Variants in CARD14 observed in about 807,000 individuals in gnomAD.
The protein encoded by CARD14 is caspase recruitment domain family member 14, also known as caspase recruitment domain-containing protein 14.
A neutral mutation model predicts 111.5 loss-of-function variants in CARD14; 107 were observed. The observed-to-expected ratio is 0.96, with a 90% CI of 0.82 to 1.13. The LOEUF is 1.13. Among genes scored for constraint, CARD14 ranks in the 50% most tolerant of loss-of-function variants. The pLI is 0.00. For missense variants in CARD14, 1,322 were observed against 1,362.3 expected (o/e 0.97, Z 0.47); for synonymous variants, 617 against 579.6 (o/e 1.06, Z -0.93).
intron 12 of CARD14, among the ~76,000 whole-genome samples, chr17:80,194,435 G>A (rs2040637818): frequency 6.6e-6 from 1 of 152,202 alleles, no homozygotes; most frequent in Admixed American, 6.5e-5. Flanking sequence ...TGGCCTCAGC[G>A]CCTCGCACGT....
chr17:80,193,308 G>A lies in CARD14; in HGVS notation c.1356+689G>A, dbSNP rs8078473. On this transcript the variant is annotated intron_variant, in intron 12 of 23. Transcript: ENST00000648509. ...CATGAGTTTCCAGGGGACCCAATTC[G>A]ACCTGGCACAGACAGTCCCCAGACA... Among the ~76,000 whole-genome samples the A allele has an allele frequency of 7.4e-3, 495 of 66,488 alleles. 10 individuals are homozygous for A. The highest frequency in any genetic ancestry group is 0.021 in the African/African-American group (401 of 19,164). 43.6% of individuals were successfully genotyped at this position (66,488 alleles called of 152,430 possible). A position where few individuals can be genotyped will look rare whatever the true frequency, so the allele number is the denominator to read the frequency against.
At chr17:80,193,308 GA>G (rs1567884401) in intron 12 of CARD14, among the ~76,000 whole-genome samples, 250 of 66,524 alleles carry the variant, frequency 3.8e-3, no homozygotes, top group South Asian at 6.4e-3. Context: ...GACCCAATTC[GA>G]CCTGGCACAG....
Position 80,184,162 on chromosome 17 carries a change from G to T in CARD14, c.599G>T (p.Ser200Ile), listed in dbSNP as rs114688446. The T allele has an allele frequency of 1.0e-3, 1,614 of 1,563,976 alleles. 19 individuals are homozygous for T. The African/African-American group carries it at 0.019, about 19-fold the overall frequency. ...EVLRLKDEML[S>I]LSLHYSNALQ... is the part of the protein sequence containing the mutation. ...CTGAGGCTGAAGGACGAGATGCTCA[G>T]CCTCTCGCTGCACTATAGCAATGCG... is the stretch of plus-strand genomic sequence containing the variant. The change falls in exon 7 of 24, where the codon AGC becomes ATC. Residue 200 changes from serine (S) to isoleucine (I), a missense_variant. Ser to Ile is a moderately radical substitution (Grantham distance 142). Transcript: ENST00000648509.
At chr17:80,207,280 G>T (rs1349476243) in intron 23 of CARD14, among the ~76,000 whole-genome samples, 195 bp downstream of exon 23, 2 of 152,240 alleles carry the variant, frequency 1.3e-5, no homozygotes, top group African/African-American at 4.8e-5. Flanking sequence ...GCCGGGCGTG[G>T]TGGCTCACGC....
chr17:80,206,195 G>T (rs919834020), intron 22 of CARD14, among the ~76,000 whole-genome samples: 49 of 152,206 alleles, frequency 3.2e-4, no homozygotes, highest in Non-Finnish European at 5.9e-4. Context: ...GCTGGGCCTG[G>T]GGCTCACGCC....
At chr17:80,185,331 G>A (rs191957929) in intron 7 of CARD14, among the ~76,000 whole-genome samples, 121 of 152,276 alleles carry the variant, frequency 7.9e-4, no homozygotes, top group Non-Finnish European at 1.3e-3. Context: ...GATTACAGGT[G>A]TGAGCCCCTG....
rs373358452 is a variant in CARD14 at position 80,198,687 on chromosome 17, A to G, written c.1851+96A>G. The G allele has an allele frequency of 3.7e-6, 6 of 1,604,574 alleles. No individual in the cohort carries two copies. Among genetic ancestry groups the G allele is most frequent in the African/African-American group, 1.3e-5 (1 of 75,020 alleles). ...AGGCAGACTTCACCTCCCCCAGACG[A>G]TGCAGATCCACTCTGGGCTGGGCCT... is the stretch of plus-strand genomic sequence containing the variant. On this transcript the variant is annotated intron_variant, in intron 16 of 23. Coordinates refer to ENST00000648509, the MANE Select transcript of CARD14 (RefSeq NM_001366385.1). This position sits in a 1 kb window ranked among gnomAD's most constrained non-coding sequence, Gnocchi z 7.5.
intron 7 of CARD14, among the ~76,000 whole-genome samples, chr17:80,187,572 C>G (rs1325290408): frequency 6.6e-6 from 1 of 152,208 alleles, no homozygotes; most frequent in Non-Finnish European, 1.5e-5. Flanking sequence ...ATTGCAGGAG[C>G]TGGGAACTTG....
Position 80,208,956 on chromosome 17 carries a change from C to G in CARD14, c.*611C>G, listed in dbSNP as rs7208218. 0.48 allele frequency: 73,594 copies of G among 152,152 alleles called. 18,954 individuals are homozygous for G. Among genetic ancestry groups the G allele is most frequent in the Non-Finnish European group, 0.58 (39,669 of 67,994 alleles). 9.4% of individuals were successfully genotyped at this position (152,152 alleles called of 1,614,324 possible). On this transcript the variant is annotated 3_prime_UTR_variant, in exon 24 of 24. Coordinates refer to ENST00000648509, the MANE Select transcript of CARD14 (RefSeq NM_001366385.1). ...TGTTTACTTGTAAATAAAGCCTCTG[C>G]GTGGTGGAGACGGTACTTTCAGTGG...
At chr17:80,183,157 C>A (rs1424307363) in intron 6 of CARD14, among the ~76,000 whole-genome samples, 2 of 152,234 alleles carry the variant, frequency 1.3e-5, no homozygotes, top group Non-Finnish European at 2.9e-5. Flanking sequence ...AACGGCCCAG[C>A]CTCAGCTCTT....
chr17:80,188,325 T>A lies in CARD14; in HGVS notation c.676-52T>A. 6.4e-7 allele frequency: 1 copy of A among 1,554,898 alleles called. No homozygotes were observed. The highest frequency in any genetic ancestry group is 8.7e-7 in the Non-Finnish European group (1 of 1,146,140). The stretch of plus-strand genomic sequence containing the variant: ...GGTGAGAAATGCCCCCAGCTCCTGA[T>A]CAGGGGAGAAGCTGTTTCCATCGCC... On this transcript the variant is annotated intron_variant, in intron 7 of 23. Coordinates refer to ENST00000648509, the MANE Select transcript of CARD14 (RefSeq NM_001366385.1). The surrounding 1 kb of genome is among the most constrained non-coding windows in gnomAD (Gnocchi z 4.5).
chr17:80,200,229 AT>A (rs373332962), intron 16 of CARD14, among the ~76,000 whole-genome samples: 10,240 of 74,042 alleles, frequency 0.14, 236 homozygotes, highest in African/African-American at 0.2. Flanking sequence ...TTTACATGTC[AT>A]TTTTTTTTTT....
intron 2 of CARD14, among the ~76,000 whole-genome samples, chr17:80,177,952 G>A (rs920701320): frequency 6.6e-6 from 1 of 152,136 alleles, no homozygotes; most frequent in Non-Finnish European, 1.5e-5. Flanking sequence ...CCTACTTACA[G>A]GTACTGGGGG....
rs1360360481 is a variant in CARD14 at position 80,206,936 on chromosome 17, A to T, written c.2692-34A>T. Reference sequence around the variant, plus strand: ...CCCTTTGCTTCCTCTGAGGCCTGTGATCTTGACTCACTTCTTCTCTCCCTC... The same window carrying T: ...CCCTTTGCTTCCTCTGAGGCCTGTGTTCTTGACTCACTTCTTCTCTCCCTC... On this transcript the variant is annotated intron_variant, in intron 22 of 23. Coordinates refer to ENST00000648509, the MANE Select transcript of CARD14 (RefSeq NM_001366385.1). 3 of 1,532,032 alleles carry T rather than the reference A, an allele frequency of 2.0e-6. No homozygotes were observed. The Admixed American group carries it at 5.1e-5, about 26-fold the overall frequency. The allele number at this position is 1,532,032 out of a possible 1,614,324, so 94.9% of individuals were successfully genotyped here.
In CARD14 at chr17:80,183,931, A is replaced by C. The variant is rs1467026410; in HGVS notation, c.368A>C (p.Lys123Thr). 1.3e-6 allele frequency: 2 copies of C among 1,521,166 alleles called. No homozygotes were observed. Among genetic ancestry groups the C allele is most frequent in the East Asian group, 4.6e-5 (2 of 43,330 alleles). The allele number at this position is 1,521,166 out of a possible 1,614,324, so 94.2% of individuals were successfully genotyped here. A position where few individuals can be genotyped will look rare whatever the true frequency, so the allele number is the denominator to read the frequency against. Reference protein sequence around the residue: ...SNFSGLMETSKLTECLAGAIG... With the variant: ...SNFSGLMETSTLTECLAGAIG... ...CCCACAGGTCTCATGGAGACATCCA[A>C]GCTGACCGAGTGCCTGGCTGGGGCC... Residue 123 changes from lysine to threonine, a missense_variant, in exon 7 of 24, where the codon AAG becomes ACG. Lys to Thr is a moderately conservative substitution (Grantham distance 78, BLOSUM62 -1). Transcript: ENST00000648509.
chr17:80,191,228 C>T, intron 10 of CARD14, 95 bp from the exon 11 acceptor site: 1 of 1,451,932 alleles, frequency 6.9e-7, no homozygotes, highest in Middle Eastern at 1.8e-4. Flanking sequence ...TAGTGGATGT[C>T]AGATGAGCGC....
Position 80,206,982 on chromosome 17 carries a change from C to T in CARD14, c.2704C>T (p.Leu902Phe). Reference sequence around the variant, plus strand: ...CCCTCCCACAAAGAACACCCATGCCCTCCTGGACGTCCAGCTGGACAGTGT... The same window carrying T: ...CCCTCCCACAAAGAACACCCATGCCTTCCTGGACGTCCAGCTGGACAGTGT... ...ESLMEKNTHALLDVQLDSVCT... is the reference protein window; with the variant it reads ...ESLMEKNTHAFLDVQLDSVCT... The change falls in exon 23 of 24, where the codon CTC becomes TTC. Residue 902 changes from leucine to phenylalanine, a missense_variant. Coordinates refer to ENST00000648509, the MANE Select transcript of CARD14 (RefSeq NM_001366385.1). The T allele has an allele frequency of 6.2e-7, 1 of 1,611,940 alleles. No homozygotes were observed. The highest frequency in any genetic ancestry group is 8.5e-7 in the Non-Finnish European group (1 of 1,178,780).
chr17:80,190,120 G>A (rs1323977625), intron 9 of CARD14, among the ~76,000 whole-genome samples: 1 of 152,138 alleles, frequency 6.6e-6, no homozygotes, highest in African/African-American at 2.4e-5. Flanking sequence ...CCCAGGCCCC[G>A]GGGAGAGCCA....
At chr17:80,192,320 T>C (rs2144277991) in intron 11 of CARD14, 183 bp from the exon 12 acceptor site, 1 of 573,580 alleles carries the variant, frequency 1.7e-6, no homozygotes, top group African/African-American at 1.9e-5. Context: ...TCTCTTTGAT[T>C]GGCAGCGCCT....
Sources: gnomAD v4.1 joint callset for allele counts (sites outside exome capture counted in the v4.1 genomes callset) on GRCh38, gnomAD v4.1.1 for gene constraint, Gnocchi (gnomAD v3.1) non-coding constraint, MANE v1.5 for transcripts, NCBI Gene and HGNC (gene_info 2026-07-23, HGNC 2026-07-21) for gene names.